Variants in WSCD2 observed in about 807,000 individuals in gnomAD.
The protein encoded by WSCD2 is sialate:O-sulfotransferase 2.
WSCD2 carries 28 observed loss-of-function variants against 55.7 expected under a neutral mutation model. The ratio of observed to expected loss-of-function variants is 0.50; its 90% CI spans 0.37 to 0.69. The LOEUF (loss-of-function observed/expected upper bound fraction) is 0.69. Ranked by LOEUF, WSCD2 falls within the 30% of genes least tolerant of loss-of-function variation. The pLI, the probability that WSCD2 is intolerant of heterozygous loss-of-function variation, is 0.00. For synonymous variants in WSCD2, 301 were observed against 301.9 expected (o/e 1.00, Z 0.03); for missense variants, 616 against 762.1 (o/e 0.81, Z 2.26).
intron 1 of WSCD2, among the ~76,000 whole-genome samples, chr12:108,161,522 C>A (rs1181783404): frequency 6.6e-6 from 1 of 152,156 alleles, no homozygotes; most frequent in African/African-American, 2.4e-5. Flanking sequence ...TGCTGGCAAA[C>A]CACCAGAAGC....
At position 108,195,865 on chromosome 12, in the gene WSCD2, C is replaced by T. The variant is rs576499571; in HGVS notation, c.33C>T (p.Tyr11=). MAKLWFKFQR[Y]FRRKPVRFFT... is the part of the protein sequence containing the mutation. ...AGCTCTGGTTCAAATTCCAGCGGTA[C>T]TTCCGCCGGAAACCTGTGCGCTTCT... Residue 11 remains tyrosine (Y), a synonymous_variant, in exon 2 of 9, where the codon TAC becomes TAT. Transcript: ENST00000547525. The T allele has an allele frequency of 2.8e-5, 45 of 1,613,610 alleles. No individual in the cohort carries two copies. In the African/African-American group the frequency reaches 4.0e-4, roughly 14 times the overall value.
At chr12:108,181,871 A>C (rs1881814882) in intron 1 of WSCD2, among the ~76,000 whole-genome samples, 1 of 152,246 alleles carries the variant, frequency 6.6e-6, no homozygotes, top group Admixed American at 6.5e-5. Flanking sequence ...ACCTGGCCCC[A>C]TGGTAAGCAT....
rs56726087 is a variant in WSCD2, at chr12:108,200,489, T to TTTCATTCA, written c.382+4287_382+4294dup. Among the ~76,000 whole-genome samples, 24 of 152,040 alleles carry TTTCATTCA rather than the reference T, an allele frequency of 1.6e-4. No individual in the cohort carries two copies. The East Asian group carries it at 3.1e-3, about 20-fold the overall frequency. On this transcript the variant is annotated intron_variant, in intron 2 of 8. Transcript: ENST00000547525. ...ACTCCATTCATTCGTTCATTTATTC[T>TTTCATTCA]TTCATTCATTCATTCATTCTGTATT...
At chr12:108,137,258 A>G (rs1428243168) in intron 1 of WSCD2, among the ~76,000 whole-genome samples, 1 of 152,260 alleles carries the variant, frequency 6.6e-6, no homozygotes, top group Non-Finnish European at 1.5e-5. Flanking sequence ...GTGTATCACC[A>G]TCATAACTGC....
chr12:108,212,868 T>G (rs1458241507), intron 4 of WSCD2, among the ~76,000 whole-genome samples: 1 of 152,160 alleles, frequency 6.6e-6, no homozygotes, highest in Non-Finnish European at 1.5e-5. Flanking sequence ...AGTCCTGGAT[T>G]CTCTAAAGTC....
chr12:108,220,989 T>A (rs1229658864), intron 4 of WSCD2, among the ~76,000 whole-genome samples: 1 of 152,220 alleles, frequency 6.6e-6, no homozygotes, highest in Non-Finnish European at 1.5e-5. Context: ...CTCAGCCTCC[T>A]CAGTTTTCTC....
chr12:108,222,244 T>C (rs1009838842), intron 4 of WSCD2, among the ~76,000 whole-genome samples: 7 of 152,228 alleles, frequency 4.6e-5, no homozygotes, highest in Non-Finnish European at 1.5e-5. Context: ...GAGAGACATA[T>C]GGTTTCTGCA....
rs764620815 is a variant in WSCD2 at position 108,248,384 on chromosome 12, A to G, written c.*41A>G. On this transcript the variant is annotated 3_prime_UTR_variant, in exon 9 of 9. Coordinates refer to ENST00000547525, the MANE Select transcript of WSCD2 (RefSeq NM_014653.4). The surrounding 1 kb of genome is among the most constrained non-coding windows in gnomAD (Gnocchi z 4.3). ...GGAGGGTAGACTGGGAGTCCTGACC[A>G]CGCAGGCCCTGGGGACTCAAGACCC... 1 of 1,580,106 alleles carries G rather than the reference A, an allele frequency of 6.3e-7. No individual in the cohort carries two copies. The highest frequency in any genetic ancestry group is 8.6e-7 in the Non-Finnish European group (1 of 1,160,206).
At chr12:108,194,513 T>TC (rs1883632292) in intron 1 of WSCD2, among the ~76,000 whole-genome samples, 1 of 152,210 alleles carries the variant, frequency 6.6e-6, no homozygotes, top group Admixed American at 6.5e-5. Context: ...CTGTGTGACC[T>TC]CCATTTCCTC....
chr12:108,248,166 G>T lies in WSCD2; in HGVS notation c.1521G>T (p.Leu507=), dbSNP rs767874569. ...GCGTGGCTGTCAGGGAGGACCGGCT[G>T]CTCTGTGTGGAGAGCCAGAAGGATG... The part of the protein sequence containing the change: ...LLGVAVREDR[L]LCVESQKDGN... Residue 507 remains leucine (L), a synonymous_variant, in exon 9 of 9, where the codon CTG becomes CTT. Coordinates refer to ENST00000547525, the MANE Select transcript of WSCD2 (RefSeq NM_014653.4). This position sits in a 1 kb window ranked among gnomAD's most constrained non-coding sequence, Gnocchi z 4.3. The T allele has an allele frequency of 1.2e-6, 2 of 1,614,200 alleles. No individual in the cohort carries two copies. The highest frequency in any genetic ancestry group is 1.7e-6 in the Non-Finnish European group (2 of 1,180,034).
chr12:108,166,034 C>G (rs1879564230), intron 1 of WSCD2, among the ~76,000 whole-genome samples: 1 of 152,182 alleles, frequency 6.6e-6, no homozygotes, highest in Admixed American at 6.5e-5. Context: ...AAAGTGAATA[C>G]TTTTCTCACT....
In WSCD2 at chr12:108,206,293, G is replaced by A. The variant is rs1885357000; in HGVS notation, c.387G>A (p.Lys129=). 1.2e-6 allele frequency: 2 copies of A among 1,614,180 alleles called. No homozygotes were observed. Among genetic ancestry groups the A allele is most frequent in the South Asian group, 1.1e-5 (1 of 91,084 alleles). ...GACGTTTTCCTTTCCCCAAAGCCAAGTACATCGGCTGCTACCTGGATGACA... is the reference window on the plus strand; with the variant it reads ...GACGTTTTCCTTTCCCCAAAGCCAAATACATCGGCTGCTACCTGGATGACA... ...VVREKEEERA[K]YIGCYLDDTQ... Residue 129 remains lysine, a synonymous_variant, in exon 3 of 9, where the codon AAG becomes AAA. Coordinates refer to ENST00000547525, the MANE Select transcript of WSCD2 (RefSeq NM_014653.4).
At chr12:108,181,491 A>G (rs550299553) in intron 1 of WSCD2, among the ~76,000 whole-genome samples, 24 of 152,312 alleles carry the variant, frequency 1.6e-4, no homozygotes, top group Admixed American at 5.2e-4. Flanking sequence ...AAGAAGAGTA[A>G]AGGATATTGA....
At chr12:108,165,144 C>T (rs1879482111) in intron 1 of WSCD2, among the ~76,000 whole-genome samples, 1 of 152,094 alleles carries the variant, frequency 6.6e-6, no homozygotes, top group South Asian at 2.1e-4. Flanking sequence ...GGTGGGTTGG[C>T]AGGGTCTGAT....
At chr12:108,163,718 C>T (rs1879310172) in intron 1 of WSCD2, among the ~76,000 whole-genome samples, 1 of 152,120 alleles carries the variant, frequency 6.6e-6, no homozygotes. Context: ...GGCCAGGAGC[C>T]AAGGCATGCA....
At chr12:108,132,166 G>A (rs1214739693) in intron 1 of WSCD2, among the ~76,000 whole-genome samples, 2 of 152,158 alleles carry the variant, frequency 1.3e-5, no homozygotes, top group Non-Finnish European at 2.9e-5. Context: ...AGGCTTGTGG[G>A]TTGCCCCGGG....
intron 6 of WSCD2, 56 bp downstream of exon 6, chr12:108,227,220 C>G: frequency 6.4e-7 from 1 of 1,565,210 alleles, no homozygotes. Context: ...GCTTCCCTCC[C>G]AGACGTGTTC....
intron 8 of WSCD2, chr12:108,244,566 A>T: frequency 1.0e-5 from 7 of 702,888 alleles, no homozygotes; most frequent in Non-Finnish European, 1.6e-5. Context: ...CTCGATTTGC[A>T]CAGCATCTGT....
intron 6 of WSCD2, among the ~76,000 whole-genome samples, chr12:108,228,649 T>C (rs1186965676): frequency 6.6e-6 from 1 of 152,246 alleles, no homozygotes; most frequent in Admixed American, 6.5e-5. Flanking sequence ...ACATGTTGTG[T>C]GCCCTGGATG....
Sources: gnomAD v4.1 joint callset for allele counts (sites outside exome capture counted in the v4.1 genomes callset) on GRCh38, gnomAD v4.1.1 for gene constraint, Gnocchi (gnomAD v3.1) non-coding constraint, MANE v1.5 for transcripts, NCBI Gene and HGNC (gene_info 2026-07-23, HGNC 2026-07-21) for gene names.